The following CRHR2 variants were observed in gnomAD, a reference collection of about 807,000 sequenced individuals.
CRHR2 encodes the protein corticotropin-releasing hormone receptor 2.
Under a neutral mutation model 57.9 loss-of-function variants are expected in CRHR2, and 53 were observed. The observed-to-expected ratio is 0.92, with a 90% confidence interval of 0.73 to 1.15. The LOEUF (loss-of-function observed/expected upper bound fraction) is 1.15. Ranked by LOEUF, CRHR2 falls within the 50% of genes most tolerant of loss-of-function variation. The pLI is 0.00. For synonymous variants in CRHR2, 213 were observed against 220.9 expected (o/e 0.96, Z 0.32); for missense variants, 532 against 542.6 (o/e 0.98, Z 0.19).
At chr7:30,661,631 T>TCCTTGGCTGCTCCTTGG (rs989216926) in intron 7 of CRHR2, among the ~76,000 whole-genome samples, 1 of 152,188 alleles carries the variant, frequency 6.6e-6, no homozygotes, top group Middle Eastern at 3.2e-3. Context: ...TTCTGGCTGC[T>TCCTTGGCTGCTCCTTGG]CCTTGGCTGA....
Position 30,660,578 on chromosome 7 carries a change from G to A in CRHR2, c.826C>T (p.Leu276Phe). The stretch of plus-strand genomic sequence containing the variant: ...AGCCACCGCTGAGGGCTTACCAGGA[G>A]CACGAGAATGATGGGGCCTTGGTAG... ...YIYQGPIILV[L>F]LINFVFLFNI... Residue 276 changes from leucine to phenylalanine, a missense_variant, in exon 8 of 12, where the codon CTC becomes TTC. Physicochemically the swap from Leu to Phe is conservative, Grantham distance 22. Transcript: ENST00000471646. 1 of 1,563,160 alleles carries A rather than the reference G, an allele frequency of 6.4e-7. No individual in the cohort carries two copies. The highest frequency in any genetic ancestry group is 1.2e-5 in the South Asian group (1 of 84,680).
chr7:30,693,230 T>C (rs1452443016), intron 1 of CRHR2, among the ~76,000 whole-genome samples: 4 of 152,140 alleles, frequency 2.6e-5, no homozygotes, highest in African/African-American at 9.7e-5. Context: ...GTGTCGTTAG[T>C]TCTAATGAGG....
At chr7:30,674,566 T>A (rs1784457775) in intron 2 of CRHR2, among the ~76,000 whole-genome samples, 1 of 152,178 alleles carries the variant, frequency 6.6e-6, no homozygotes, top group South Asian at 2.1e-4. Flanking sequence ...CGGGATTAGA[T>A]CTGGCTCTCA....
intron 2 of CRHR2, among the ~76,000 whole-genome samples, chr7:30,668,621 A>C (rs1245546967): frequency 6.6e-6 from 1 of 152,222 alleles, no homozygotes; most frequent in African/African-American, 2.4e-5. Flanking sequence ...ACTTCCGTTG[A>C]GCCCGATGAG....
rs1443966809 is a variant in CRHR2, at chr7:30,654,548, C to T, written c.1095+491G>A. 1.2e-5 allele frequency: 10 copies of T among 839,350 alleles called. No individual in the cohort carries two copies. In the South Asian group the frequency reaches 1.6e-4, roughly 14 times the overall value. The allele number at this position is 839,350 out of a possible 1,614,324, so 52.0% of individuals were successfully genotyped here. A position where few individuals can be genotyped will look rare whatever the true frequency, so the allele number is the denominator to read the frequency against. ...GCGCTTCTTCCCTGCGTCAGCTGCA[C>T]TGGGGCTTTGGGCCTCATGATTGGC... On this transcript the variant is annotated intron_variant, in intron 11 of 11. Transcript: ENST00000471646.
chr7:30,690,495 G>A (rs1413082310), intron 1 of CRHR2, among the ~76,000 whole-genome samples: 1 of 152,128 alleles, frequency 6.6e-6, no homozygotes, highest in Non-Finnish European at 1.5e-5. Flanking sequence ...TCCTGATTCT[G>A]GGATTCCAGA....
intron 1 of CRHR2, chr7:30,699,926 C>T: frequency 4.7e-6 from 7 of 1,504,982 alleles, no homozygotes; most frequent in Non-Finnish European, 6.2e-6. Flanking sequence ...CTCGTGGACT[C>T]CCACTCCCTG....
At chr7:30,695,686 C>T (rs150782714) in intron 1 of CRHR2, among the ~76,000 whole-genome samples, 7 of 152,340 alleles carry the variant, frequency 4.6e-5, no homozygotes, top group Admixed American at 4.6e-4. Context: ...ATAAAAGTCA[C>T]ATCTCTTCTG....
intron 2 of CRHR2, among the ~76,000 whole-genome samples, chr7:30,688,492 C>G (rs1049864747): frequency 6.6e-6 from 1 of 152,244 alleles, no homozygotes; most frequent in Non-Finnish European, 1.5e-5. Flanking sequence ...GGAAGGAGAA[C>G]AGGCAGCAAG....
chr7:30,662,167 A>ATAG lies in CRHR2; in HGVS notation c.744_746dup (p.Tyr249dup). 6.2e-7 allele frequency: 1 copy of ATAG among 1,613,840 alleles called. No individual in the cohort carries two copies. Among genetic ancestry groups the ATAG allele is most frequent in the Non-Finnish European group, 8.5e-7 (1 of 1,179,882 alleles). On this transcript the variant is annotated inframe_insertion, in exon 7 of 12. Coordinates refer to ENST00000471646, the MANE Select transcript of CRHR2 (RefSeq NM_001883.5). ...GCCCATCCACTTACTGTTCATTCTC[A>ATAG]TAGTAGAGCTTGCCGATGGCCCAGG...
chr7:30,658,656 C>G (rs528058975), intron 8 of CRHR2, among the ~76,000 whole-genome samples: 2 of 152,300 alleles, frequency 1.3e-5, no homozygotes, highest in South Asian at 4.1e-4. Flanking sequence ...CCTTGTCTGC[C>G]CCCGAGGGGC....
In CRHR2 at chr7:30,653,323, C is replaced by G. The variant is rs563471497; in HGVS notation, c.*137G>C. The G allele has an allele frequency of 7.2e-5, 93 of 1,297,988 alleles. No individual in the cohort carries two copies. The African/African-American group carries it at 1.2e-3, about 17-fold the overall frequency. The allele number at this position is 1,297,988 out of a possible 1,614,324, so 80.4% of individuals were successfully genotyped here. On this transcript the variant is annotated 3_prime_UTR_variant, in exon 12 of 12. Transcript: ENST00000471646. This position sits in a 1 kb window ranked among gnomAD's most constrained non-coding sequence, Gnocchi z 5.0. ...TTGCAGTCCCCCTTGGCTGCCGCAC[C>G]CCCTCTTTCCTGCCAGGCTGGAGAG...
rs1203689675 is a variant in CRHR2 at position 30,652,115 on chromosome 7, G to A, written c.*1345C>T. The stretch of plus-strand genomic sequence containing the variant: ...AACTTATTTTTGTAGGGGGTACCTA[G>A]AGCATTGGTTTCTTTTGGAAGAAAT... On this transcript the variant is annotated 3_prime_UTR_variant, in exon 12 of 12. Coordinates refer to ENST00000471646, the MANE Select transcript of CRHR2 (RefSeq NM_001883.5). This position sits in a 1 kb window ranked among gnomAD's most constrained non-coding sequence, Gnocchi z 4.4. 5 of 152,236 alleles carry A rather than the reference G, an allele frequency of 3.3e-5. No individual in the cohort carries two copies. Among genetic ancestry groups the A allele is most frequent in the African/African-American group, 1.2e-4 (5 of 41,462 alleles). 9.4% of individuals were successfully genotyped at this position (152,236 alleles called of 1,614,324 possible).
chr7:30,685,523 G>A (rs1457684838), upstream of CRHR2, among the ~76,000 whole-genome samples: 2 of 152,150 alleles, frequency 1.3e-5, no homozygotes, highest in South Asian at 2.1e-4. Flanking sequence ...TTCCAGAGGG[G>A]CCTGAAGGTG....
At position 30,665,029 on chromosome 7, in the gene CRHR2, G is replaced by C; in HGVS notation, c.543+41C>G. The C allele has an allele frequency of 6.4e-7, 1 of 1,558,226 alleles. No individual in the cohort carries two copies. Among genetic ancestry groups the C allele is most frequent in the Non-Finnish European group, 8.9e-7 (1 of 1,129,414 alleles). ...GACAGATGGGTGCCCCCGGAGCCCA[G>C]AGCCCCCCAGGTATAGCCCCGAGTC... is the stretch of plus-strand genomic sequence containing the variant. On this transcript the variant is annotated intron_variant, in intron 5 of 11. Coordinates refer to ENST00000471646, the MANE Select transcript of CRHR2 (RefSeq NM_001883.5). This position sits in a 1 kb window ranked among gnomAD's most constrained non-coding sequence, Gnocchi z 4.5.
At chr7:30,661,174 G>A (rs1783984520) in intron 7 of CRHR2, among the ~76,000 whole-genome samples, 1 of 152,244 alleles carries the variant, frequency 6.6e-6, no homozygotes, top group South Asian at 2.1e-4. Flanking sequence ...CTGCCTGGCT[G>A]GCCTCACTGG....
chr7:30,662,963 C>T (rs1346872412), intron 5 of CRHR2, 116 bp from the exon 6 acceptor site: 2 of 1,191,912 alleles, frequency 1.7e-6, no homozygotes, highest in Non-Finnish European at 2.3e-6. Context: ...GTGGACATGC[C>T]ATCAAATACC....
Position 30,652,428 on chromosome 7 carries a change from A to C in CRHR2, c.*1032T>G, listed in dbSNP as rs1783625347. On this transcript the variant is annotated 3_prime_UTR_variant, in exon 12 of 12. Coordinates refer to ENST00000471646, the MANE Select transcript of CRHR2 (RefSeq NM_001883.5). The surrounding 1 kb of genome is among the most constrained non-coding windows in gnomAD (Gnocchi z 4.4). ...CAGGTGCTTTGACCATAAAGACTCC[A>C]AACCTACCAGAGGTCAGAGAGAGAG... 6.6e-6 allele frequency: 1 copy of C among 152,346 alleles called. No homozygotes were observed. The highest frequency in any genetic ancestry group is 2.4e-5 in the African/African-American group (1 of 41,468). The allele number at this position is 152,346 out of a possible 1,614,324, so 9.4% of individuals were successfully genotyped here.
chr7:30,662,349 G>C lies in CRHR2; in HGVS notation c.698-133C>G, dbSNP rs943231920. ...CAACAGCAGGCCACCCACAACCCCAGGGGTGCCCTGTCCCTCAACACCTGG... is the reference window on the plus strand; with the variant it reads ...CAACAGCAGGCCACCCACAACCCCACGGGTGCCCTGTCCCTCAACACCTGG... On this transcript the variant is annotated intron_variant, in intron 6 of 11. Coordinates refer to ENST00000471646, the MANE Select transcript of CRHR2 (RefSeq NM_001883.5). 1.7e-5 allele frequency: 17 copies of C among 1,029,218 alleles called. No individual in the cohort carries two copies. In the South Asian group the frequency reaches 2.4e-4, roughly 15 times the overall value. 63.8% of individuals were successfully genotyped at this position (1,029,218 alleles called of 1,614,324 possible). A position where few individuals can be genotyped will look rare whatever the true frequency, so the allele number is the denominator to read the frequency against.
Sources: allele counts gnomAD v4.1 joint callset (sites outside exome capture counted in the v4.1 genomes callset), GRCh38; gene constraint gnomAD v4.1.1; non-coding constraint Gnocchi (gnomAD v3.1); transcripts MANE v1.5; gene names NCBI Gene and HGNC (gene_info 2026-07-23, HGNC 2026-07-21).